Variants in TLR6 observed in about 807,000 individuals in gnomAD.
TLR6 encodes the protein toll-like receptor 6.
In TLR6, 9 loss-of-function variants were observed where a neutral mutation model predicts 16.1. The observed-to-expected ratio is 0.56, with a 90% CI of 0.34 to 0.98. TLR6 has a LOEUF of 0.98. TLR6 is among the 50% of genes least tolerant of loss of function. The probability of loss-of-function intolerance (pLI) is 0.02; values close to 1 mark genes in which losing one functional copy is unlikely to be tolerated. For missense variants in TLR6, 786 were observed against 921.0 expected (o/e 0.85, Z 1.90); for synonymous variants, 340 against 338.6 (o/e 1.00, Z -0.04).
exon 2 of TLR6, chr4:38,828,101 T>C (rs143045261): frequency 4.9e-4 from 799 of 1,614,216 alleles, no homozygotes; most frequent in Non-Finnish European, 6.3e-4. Context: ...TTTATTGCTG[T>C]GAAGATCAAG....
chr4:38,837,921 A>G (rs1369972070), intron 1 of TLR6, among the ~76,000 whole-genome samples: 3 of 152,216 alleles, frequency 2.0e-5, no homozygotes, highest in Non-Finnish European at 4.4e-5. Flanking sequence ...TAATCCTATG[A>G]AAAAGTAGGC....
At chr4:38,829,754 TTTGACCTGTCTGG>T (rs1727740666) in intron 1 of TLR6, among the ~76,000 whole-genome samples, 1 of 152,242 alleles carries the variant, frequency 6.6e-6, no homozygotes, top group South Asian at 2.1e-4. Flanking sequence ...GGTTGTGTGT[TTTGACCTGTCTGG>T]TTGCTGCCTG....
chr4:38,858,797 GA>G (rs1560274576), upstream of TLR6, among the ~76,000 whole-genome samples: 182 of 77,242 alleles, frequency 2.4e-3, 5 homozygotes, highest in East Asian at 0.02. Flanking sequence ...GAGAGGGAGA[GA>G]GAGAGAGAGA....
At chr4:38,823,304 A>G (rs1318441495), downstream of TLR6, among the ~76,000 whole-genome samples, 2 of 152,242 alleles carry the variant, frequency 1.3e-5, no homozygotes, top group African/African-American at 2.4e-5. Context: ...TTGTGTTACA[A>G]TCACCTAGAA....
intron 1 of TLR6, among the ~76,000 whole-genome samples, chr4:38,840,460 C>T (rs546828127): frequency 5.8e-4 from 88 of 151,800 alleles, no homozygotes; most frequent in African/African-American, 1.7e-3. Flanking sequence ...GGTGAAACCC[C>T]GTCTCTACTA....
chr4:38,858,741 A>AAG (rs201909359), upstream of TLR6, among the ~76,000 whole-genome samples: 11 of 100,032 alleles, frequency 1.1e-4, no homozygotes, highest in Admixed American at 4.0e-4. Flanking sequence ...GAAAGAAAGA[A>AAG]AGAGAGAGAG....
exon 2 of TLR6, chr4:38,828,427 A>T: frequency 1.2e-6 from 2 of 1,614,086 alleles, no homozygotes; most frequent in Non-Finnish European, 1.7e-6. Context: ...TTGGTGCATG[A>T]GGACACAGCA....
upstream of TLR6, among the ~76,000 whole-genome samples, chr4:38,858,780 A>G (rs1355065490): frequency 1.7e-5 from 1 of 60,060 alleles, no homozygotes; most frequent in Non-Finnish European, 2.8e-5. Flanking sequence ...AGAGAGGGAG[A>G]GAGAGAGAGA....
intron 1 of TLR6, among the ~76,000 whole-genome samples, chr4:38,841,076 G>A (rs945217466): frequency 6.6e-6 from 1 of 151,666 alleles, no homozygotes; most frequent in African/African-American, 2.4e-5. Flanking sequence ...TAATTTTTTT[G>A]CTTTTCTTTT....
upstream of TLR6, among the ~76,000 whole-genome samples, chr4:38,858,792 GGAGAGAGAGAGAGAGAGA>G (rs56086259): frequency 1.1e-4 from 2 of 18,128 alleles, no homozygotes; most frequent in Non-Finnish European, 2.1e-4. Flanking sequence ...AGAGAGAGAG[GGAGAGAGAGAGAGAGAGA>G]GAGGGAGAGA....
exon 2 of TLR6, chr4:38,827,621 A>G: frequency 8.1e-6 from 13 of 1,614,226 alleles, no homozygotes; most frequent in Non-Finnish European, 9.3e-6. Flanking sequence ...CCACTGGCAC[A>G]CCATCCTGAG....
exon 2 of TLR6, chr4:38,829,128 A>G (rs760319622): frequency 6.2e-7 from 1 of 1,614,088 alleles, no homozygotes; most frequent in African/African-American, 1.3e-5. Flanking sequence ...GGATGGCAGG[A>G]TATCTTTTGC....
chr4:38,854,566 A>T (rs532657676), intron 1 of TLR6, among the ~76,000 whole-genome samples: 1 of 152,310 alleles, frequency 6.6e-6, no homozygotes, highest in African/African-American at 2.4e-5. Flanking sequence ...AAAATTAAAA[A>T]ATATAATATC....
chr4:38,828,489 A>C (rs761171506), exon 2 of TLR6: 1 of 1,614,198 alleles, frequency 6.2e-7, no homozygotes, highest in South Asian at 1.1e-5. Flanking sequence ...TTCATCTCAG[A>C]AAACACGGTG....
chr4:38,840,250 CAGG>C (rs1229043785), intron 1 of TLR6, among the ~76,000 whole-genome samples: 1 of 152,092 alleles, frequency 6.6e-6, no homozygotes, highest in Non-Finnish European at 1.5e-5. Context: ...GATGAAATAC[CAGG>C]AGTTCTCAAT....
At chr4:38,834,238 CA>C (rs1307822805) in intron 1 of TLR6, among the ~76,000 whole-genome samples, 16 of 107,386 alleles carry the variant, frequency 1.5e-4, no homozygotes, top group South Asian at 6.3e-4. Context: ...AACTCCAGCT[CA>C]AAAAAAAAAT....
exon 2 of TLR6, chr4:38,826,953 ATTGTTT>A: frequency 1.3e-6 from 1 of 777,098 alleles, no homozygotes; most frequent in South Asian, 2.1e-5. Flanking sequence ...CAGATGAAAC[ATTGTTT>A]TTGTTAAGTC....
In TLR6 at chr4:38,847,352, C is replaced by T. The variant is rs188626110; in HGVS notation, c.-65+9409G>A. On this transcript the variant is annotated intron_variant, in intron 1 of 1. Transcript: ENST00000436693. ...AACAGCTCCAGTCTATAGCTCTCAG[C>T]ATAAGTGATGCAGAAGATGGGTGAT... is the stretch of plus-strand genomic sequence containing the variant. 3.4e-3 allele frequency among the ~76,000 whole-genome samples: 511 copies of T among 152,210 alleles called. 1 individual carries two copies. Among genetic ancestry groups the T allele is most frequent in the South Asian group, 0.011 (53 of 4,816 alleles).
chr4:38,849,256 C>T lies in TLR6; in HGVS notation c.-65+7505G>A, dbSNP rs567497605. ...GAGATTTTGTCACCACCAGGCCTGC[C>T]CTAAAAGAGCTCCTGAAGGAAGCAC... On this transcript the variant is annotated intron_variant, in intron 1 of 1. Transcript: ENST00000436693. Among the ~76,000 whole-genome samples the T allele has an allele frequency of 5.7e-4, 87 of 152,216 alleles. No individual in the cohort carries two copies. The South Asian group carries it at 0.013, about 24-fold the overall frequency.
Sources: gnomAD v4.1 joint callset for allele counts (sites outside exome capture counted in the v4.1 genomes callset) on GRCh38, gnomAD v4.1.1 for gene constraint, MANE v1.5 for transcripts, NCBI Gene and HGNC (gene_info 2026-07-23, HGNC 2026-07-21) for gene names.